Variants in XPO6 observed in about 807,000 individuals in gnomAD.
XPO6 encodes the protein exportin-6.
In XPO6, 3 loss-of-function variants were observed where a neutral mutation model predicts 130.0. The ratio of observed to expected loss-of-function variants is 0.02; its 90% CI spans 0.01 to 0.06. The LOEUF is 0.06. XPO6 is among the 10% of genes least tolerant of loss of function. The pLI, the probability that XPO6 is intolerant of heterozygous loss-of-function variation, is 1.00. For missense variants in XPO6, 970 were observed against 1,393.0 expected, an observed-to-expected ratio of 0.70 and a Z score of 4.83; for synonymous variants, 524 against 548.9, an observed-to-expected ratio of 0.95 and a Z score of 0.63.
At chr16:28,131,527 C>T (rs1317471812) in intron 12 of XPO6, among the ~76,000 whole-genome samples, 3 of 152,216 alleles carry the variant, frequency 2.0e-5, no homozygotes, top group Admixed American at 1.3e-4. Flanking sequence ...CTTTCAGTTA[C>T]TGGTGTTTTC....
chr16:28,114,724 G>A (rs1048055049), intron 15 of XPO6, among the ~76,000 whole-genome samples: 17 of 152,176 alleles, frequency 1.1e-4, no homozygotes, highest in African/African-American at 4.1e-4. Context: ...GAAGTTTGCT[G>A]CATCGATTGA....
chr16:28,135,367 G>C, intron 9 of XPO6, 43 bp from the exon 10 acceptor site: 1 of 1,559,118 alleles, frequency 6.4e-7, no homozygotes, highest in Non-Finnish European at 8.8e-7. Context: ...GAGGCTTTCA[G>C]CTTAGAATTT....
At chr16:28,165,912 ACT>A (rs778972280) in intron 6 of XPO6, among the ~76,000 whole-genome samples, 1 of 152,212 alleles carries the variant, frequency 6.6e-6, no homozygotes, top group Non-Finnish European at 1.5e-5. Flanking sequence ...GAAGAACTAC[ACT>A]CTGAATTTTG....
chr16:28,116,437 G>C (rs1025458313), intron 15 of XPO6, among the ~76,000 whole-genome samples: 1 of 151,160 alleles, frequency 6.6e-6, no homozygotes, highest in Admixed American at 6.6e-5. Context: ...ACTCCAGCCC[G>C]GGCGACAGAG....
At chr16:28,141,846 G>C (rs2042899748) in intron 9 of XPO6, among the ~76,000 whole-genome samples, 1 of 152,236 alleles carries the variant, frequency 6.6e-6, no homozygotes, top group Non-Finnish European at 1.5e-5. Flanking sequence ...TGTAGTCCCA[G>C]CTACTCGGAA....
chr16:28,108,438 C>T (rs1313357288), intron 17 of XPO6, among the ~76,000 whole-genome samples: 3 of 152,194 alleles, frequency 2.0e-5, no homozygotes, highest in Non-Finnish European at 4.4e-5. Flanking sequence ...CCTCATCCAT[C>T]TGGGAGAGCC....
intron 20 of XPO6, chr16:28,105,736 T>C (rs751043334): frequency 6.7e-6 from 2 of 298,966 alleles, no homozygotes; most frequent in South Asian, 7.5e-5. Flanking sequence ...AAAGTACATA[T>C]GTTAGAATGT....
At chr16:28,120,171 C>T (rs2087195335) in intron 14 of XPO6, among the ~76,000 whole-genome samples, 1 of 152,002 alleles carries the variant, frequency 6.6e-6, no homozygotes, top group Non-Finnish European at 1.5e-5. Flanking sequence ...AATGGCTCAG[C>T]AAAATAATAA....
intron 7 of XPO6, chr16:28,153,019 CT>C: frequency 8.7e-7 from 1 of 1,155,346 alleles, no homozygotes; most frequent in Non-Finnish European, 1.1e-6. Flanking sequence ...GCTAAGGCTT[CT>C]TATAATCTAG....
At chr16:28,128,647 A>G (rs1020928179) in intron 12 of XPO6, among the ~76,000 whole-genome samples, 1 of 152,242 alleles carries the variant, frequency 6.6e-6, no homozygotes, top group African/African-American at 2.4e-5. Flanking sequence ...AGAGCTTAAA[A>G]GTCGCCCTGA....
intron 1 of XPO6, among the ~76,000 whole-genome samples, chr16:28,199,473 C>A (rs2043921276): frequency 6.6e-6 from 1 of 152,006 alleles, no homozygotes; most frequent in Non-Finnish European, 1.5e-5. Context: ...AGACAGGTTT[C>A]GCCATGTTGG....
intron 9 of XPO6, among the ~76,000 whole-genome samples, chr16:28,140,993 C>T (rs1200982765): frequency 6.6e-6 from 1 of 152,224 alleles, no homozygotes; most frequent in African/African-American, 2.4e-5. Context: ...GCAACTAAGA[C>T]TCTATTCACT....
At chr16:28,155,461 A>T (rs2043168961) in intron 7 of XPO6, 1 of 152,116 alleles carries the variant, frequency 6.6e-6, no homozygotes, top group South Asian at 2.1e-4. Context: ...TGCTTTTAAA[A>T]AAAAAAAAAA....
rs575677085 is a variant in XPO6 at position 28,104,373 on chromosome 16, T to G, written c.2946+173A>C. ...AACAAACCTGTGACCCAGGCAACATTAGCTCCACTTTGCAGATGAAGAAAC... is the reference window on the plus strand; with the variant it reads ...AACAAACCTGTGACCCAGGCAACATGAGCTCCACTTTGCAGATGAAGAAAC... On this transcript the variant is annotated intron_variant, in intron 21 of 23. Transcript: ENST00000304658. 2.0e-5 allele frequency among the ~76,000 whole-genome samples: 3 copies of G among 152,312 alleles called. No individual in the cohort carries two copies. The South Asian group carries it at 6.2e-4, about 32-fold the overall frequency.
Position 28,104,669 on chromosome 16 carries a change from G to A in XPO6, c.2823C>T (p.Leu941=). The change falls in exon 21 of 24, where the codon CTC becomes CTT. Residue 941 remains leucine (L), a synonymous_variant. Transcript: ENST00000304658. ...AGTTGTGATGGAGCGTCCGGAAAAG[G>A]AGCTCAAACAGCTCGGCCTTCACAT... ...SPDVKAELFE[L]LFRTLHHNWR... 6.2e-7 allele frequency: 1 copy of A among 1,614,158 alleles called. No individual in the cohort carries two copies. The highest frequency in any genetic ancestry group is 2.2e-5 in the East Asian group (1 of 44,876).
chr16:28,174,978 A>G (rs1181027968), intron 4 of XPO6, among the ~76,000 whole-genome samples: 1 of 152,180 alleles, frequency 6.6e-6, no homozygotes, highest in African/African-American at 2.4e-5. Context: ...CCAGATCCAC[A>G]CTTCCTAATG....
In XPO6 at chr16:28,101,280, G is replaced by A. The variant is rs1031312680; in HGVS notation, c.3276+178C>T. ...AGACACCAAGACTGGGGAAAAGGCT[G>A]TGCCCCTCAATCAGGCTACAGCACC... On this transcript the variant is annotated intron_variant, in intron 23 of 23. Coordinates refer to ENST00000304658, the MANE Select transcript of XPO6 (RefSeq NM_015171.4). This position sits in a 1 kb window ranked among gnomAD's most constrained non-coding sequence, Gnocchi z 5.4. The A allele has an allele frequency of 1.0e-5, 7 of 690,946 alleles. No individual in the cohort carries two copies. Among genetic ancestry groups the A allele is most frequent in the South Asian group, 6.1e-5 (4 of 65,464 alleles). 42.8% of individuals were successfully genotyped at this position (690,946 alleles called of 1,614,324 possible).
Position 28,159,798 on chromosome 16 carries a change from T to A in XPO6, c.644-3271A>T, listed in dbSNP as rs181359515. 1.1e-4 allele frequency among the ~76,000 whole-genome samples: 16 copies of A among 152,336 alleles called. No homozygotes were observed. The East Asian group carries it at 1.9e-3, about 18-fold the overall frequency. On this transcript the variant is annotated intron_variant, in intron 6 of 23. Transcript: ENST00000304658. Reference sequence around the variant, plus strand: ...AAAATTGATTTTTATCATTTTTTCTTAACCATAAAGGTATCTTTTAGAAAT... The same window carrying A: ...AAAATTGATTTTTATCATTTTTTCTAAACCATAAAGGTATCTTTTAGAAAT...
chr16:28,189,152 C>A (rs1319954403), intron 1 of XPO6, among the ~76,000 whole-genome samples: 1 of 151,642 alleles, frequency 6.6e-6, no homozygotes, highest in Non-Finnish European at 1.5e-5. Flanking sequence ...CGCCATGTTG[C>A]CCAGGCTGGT....
Sources: gnomAD v4.1 joint callset for allele counts (sites outside exome capture counted in the v4.1 genomes callset) on GRCh38, gnomAD v4.1.1 for gene constraint, Gnocchi (gnomAD v3.1) non-coding constraint, MANE v1.5 for transcripts, NCBI Gene and HGNC (gene_info 2026-07-23, HGNC 2026-07-21) for gene names.